TMEM135: variants seen among roughly 807,000 people sequenced by gnomAD.
The protein encoded by TMEM135 is transmembrane protein 135.
TMEM135 carries 30 observed loss-of-function variants against 60.3 expected under a neutral mutation model. The observed-to-expected ratio is 0.50, with a 90% CI of 0.37 to 0.68. TMEM135 has a LOEUF of 0.68. Ranked by LOEUF, TMEM135 falls within the 30% of genes least tolerant of loss-of-function variation. The pLI, the probability that TMEM135 is intolerant of heterozygous loss-of-function variation, is 0.00. For missense variants in TMEM135, 468 were observed against 548.8 expected, an observed-to-expected ratio of 0.85 and a Z score of 1.47; for synonymous variants, 190 against 186.7, an observed-to-expected ratio of 1.02 and a Z score of -0.14.
chr11:87,073,919 C>T (rs1038167597), intron 3 of TMEM135, among the ~76,000 whole-genome samples: 2 of 151,990 alleles, frequency 1.3e-5, no homozygotes, highest in Non-Finnish European at 2.9e-5. Flanking sequence ...CCACCAGCTT[C>T]GGCCTTCCAA....
intron 10 of TMEM135, among the ~76,000 whole-genome samples, chr11:87,313,142 A>G (rs1297483952): frequency 6.6e-6 from 1 of 151,874 alleles, no homozygotes; most frequent in Non-Finnish European, 1.5e-5. Flanking sequence ...TGCTTTTCCC[A>G]GCATTCGATA....
chr11:87,079,820 TTTTTCTTTTTTTC>T (rs1856948853), intron 3 of TMEM135, among the ~76,000 whole-genome samples: 2 of 146,834 alleles, frequency 1.4e-5, no homozygotes, highest in Admixed American at 1.4e-4. Context: ...CATATGATCT[TTTTTCTTTTTTTC>T]TTTTCTTTTC....
In TMEM135 at chr11:87,323,553, T is replaced by C. The variant is rs1224754974; in HGVS notation, c.*2220T>C. 1 of 453,266 alleles carries C rather than the reference T, an allele frequency of 2.2e-6. No homozygotes were observed. Among genetic ancestry groups the C allele is most frequent in the South Asian group, 1.6e-5 (1 of 64,162 alleles). 28.1% of individuals were successfully genotyped at this position (453,266 alleles called of 1,614,324 possible). A position where few individuals can be genotyped will look rare whatever the true frequency, so the allele number is the denominator to read the frequency against. On this transcript the variant is annotated 3_prime_UTR_variant, in exon 15 of 15. Transcript: ENST00000305494. ...AAATATGTTTTTTAGTTTATTTATA[T>C]CCTGAAGAAATGGTAAGTTTTCACT... is the stretch of plus-strand genomic sequence containing the variant.
rs1210264795 is a variant in TMEM135 at position 87,067,762 on chromosome 11, A to G, written c.210A>G (p.Gln70=). The G allele has an allele frequency of 9.9e-6, 16 of 1,613,916 alleles. No homozygotes were observed. Among genetic ancestry groups the G allele is most frequent in the Admixed American group, 5.0e-5 (3 of 60,022 alleles). ...ACAAACTACTCCCTGAGATCCTACA[A>G]TCCGCTTCATTTCTAACTGCTAATG... ...YLHKLLPEIL[Q]SASFLTANGA... Residue 70 remains glutamine, a synonymous_variant, in exon 2 of 15, where the codon CAA becomes CAG. Coordinates refer to ENST00000305494, the MANE Select transcript of TMEM135 (RefSeq NM_022918.4).
intron 5 of TMEM135, among the ~76,000 whole-genome samples, chr11:87,192,280 C>A (rs762139464): frequency 6.6e-6 from 1 of 151,602 alleles, no homozygotes; most frequent in Non-Finnish European, 1.5e-5. Flanking sequence ...TGAGCCACTT[C>A]TATTTCTTTT....
At chr11:87,081,833 T>G (rs796135928) in intron 3 of TMEM135, among the ~76,000 whole-genome samples, 22 of 152,334 alleles carry the variant, frequency 1.4e-4, no homozygotes, top group African/African-American at 5.3e-4. Context: ...GTAGTTTTAT[T>G]GTTTTAACGA....
chr11:87,118,431 T>G (rs1183895376), intron 4 of TMEM135, among the ~76,000 whole-genome samples: 1 of 152,078 alleles, frequency 6.6e-6, no homozygotes, highest in Non-Finnish European at 1.5e-5. Flanking sequence ...CTAGATCTTC[T>G]GGATAACTTC....
At chr11:87,193,047 A>G (rs959454810) in intron 5 of TMEM135, among the ~76,000 whole-genome samples, 5 of 152,168 alleles carry the variant, frequency 3.3e-5, no homozygotes, top group Non-Finnish European at 7.4e-5. Flanking sequence ...CCTGGGAGGC[A>G]AAGGTTGCAG....
intron 4 of TMEM135, among the ~76,000 whole-genome samples, chr11:87,148,265 G>A (rs777804282): frequency 5.3e-5 from 8 of 152,244 alleles, no homozygotes; most frequent in African/African-American, 1.9e-4. Flanking sequence ...TAGTTCTTTA[G>A]GTACAAGGAA....
At chr11:87,079,161 A>G (rs1856933886) in intron 3 of TMEM135, among the ~76,000 whole-genome samples, 1 of 151,906 alleles carries the variant, frequency 6.6e-6, no homozygotes, top group East Asian at 1.9e-4. Context: ...GCATGCCACC[A>G]CACCCAGCCA....
At chr11:87,072,786 C>T (rs772467789) in intron 3 of TMEM135, among the ~76,000 whole-genome samples, 4 of 152,172 alleles carry the variant, frequency 2.6e-5, no homozygotes, top group Non-Finnish European at 5.9e-5. Context: ...TGCAAACTTA[C>T]ATAAACTGTT....
intron 4 of TMEM135, among the ~76,000 whole-genome samples, chr11:87,151,655 G>A (rs76255015): frequency 0.1 from 15,589 of 150,126 alleles, 832 homozygotes; most frequent in African/African-American, 0.12. Flanking sequence ...ATTTCAATAT[G>A]TAATTTCCAA....
chr11:87,305,887 A>G, intron 8 of TMEM135, 49 bp from the exon 9 acceptor site: 1 of 1,429,628 alleles, frequency 7.0e-7, no homozygotes, highest in Non-Finnish European at 9.8e-7. Flanking sequence ...ACACATGGAT[A>G]TACACACTTT....
At chr11:87,142,978 G>A (rs1248410719) in intron 4 of TMEM135, among the ~76,000 whole-genome samples, 1 of 149,978 alleles carries the variant, frequency 6.7e-6, no homozygotes, top group African/African-American at 2.5e-5. Flanking sequence ...ATATTTCTTG[G>A]TCTCTGAGTC....
intron 1 of TMEM135, among the ~76,000 whole-genome samples, chr11:87,057,377 C>T (rs1310049937): frequency 6.6e-6 from 1 of 152,138 alleles, no homozygotes; most frequent in African/African-American, 2.4e-5. Flanking sequence ...CTTGTATCTT[C>T]CCACATATAT....
intron 1 of TMEM135, among the ~76,000 whole-genome samples, chr11:87,059,790 A>G (rs1949929082): frequency 6.6e-6 from 1 of 152,200 alleles, no homozygotes; most frequent in Non-Finnish European, 1.5e-5. Context: ...AATACTTTAT[A>G]TTTGTTATCT....
At chr11:87,125,964 A>G (rs923248591) in intron 4 of TMEM135, among the ~76,000 whole-genome samples, 4 of 152,190 alleles carry the variant, frequency 2.6e-5, no homozygotes, top group African/African-American at 7.2e-5. Flanking sequence ...TTTCGTACTC[A>G]TTACCTGGAA....
intron 5 of TMEM135, among the ~76,000 whole-genome samples, chr11:87,217,631 C>T (rs550991451): frequency 4.9e-4 from 75 of 152,032 alleles, no homozygotes; most frequent in African/African-American, 1.6e-3. Context: ...GCTAAATATG[C>T]AAAGTTAGTT....
chr11:87,233,398 C>A (rs557838435), intron 5 of TMEM135, among the ~76,000 whole-genome samples: 3 of 152,066 alleles, frequency 2.0e-5, no homozygotes, highest in South Asian at 4.2e-4. Context: ...AATATAAAGA[C>A]CCCAATCAGT....
Sources: gnomAD v4.1 joint callset for allele counts (sites outside exome capture counted in the v4.1 genomes callset) on GRCh38, gnomAD v4.1.1 for gene constraint, MANE v1.5 for transcripts, NCBI Gene and HGNC (gene_info 2026-07-23, HGNC 2026-07-21) for gene names.